Variants in MAML1 observed in about 807,000 individuals in gnomAD.
MAML1 encodes the protein mastermind like transcriptional coactivator 1.
Under a neutral mutation model 77.1 loss-of-function variants are expected in MAML1, and 14 were observed. The observed-to-expected ratio is 0.18, with a 90% CI of 0.12 to 0.28. The LOEUF (loss-of-function observed/expected upper bound fraction) is 0.28. MAML1 is among the 10% of genes least tolerant of loss of function. The pLI, the probability that MAML1 is intolerant of heterozygous loss-of-function variation, is 1.00. For missense variants in MAML1, 1,217 were observed against 1,327.8 expected, an observed-to-expected ratio of 0.92 and a Z score of 1.30; for synonymous variants, 516 against 551.9, an observed-to-expected ratio of 0.93 and a Z score of 0.91.
At chr5:179,750,741 C>A (rs1444542037) in intron 1 of MAML1, among the ~76,000 whole-genome samples, 1 of 152,126 alleles carries the variant, frequency 6.6e-6, no homozygotes, top group Admixed American at 6.6e-5. Context: ...GGATTACAGG[C>A]CTGACGGCTC....
intron 1 of MAML1, among the ~76,000 whole-genome samples, chr5:179,760,738 C>G (rs756608008): frequency 5.3e-5 from 8 of 152,088 alleles, no homozygotes; most frequent in Non-Finnish European, 1.2e-4. Context: ...ATACTAGAAA[C>G]AACCAACCAT....
chr5:179,768,667 G>T lies in MAML1; in HGVS notation c.1732-183G>T, dbSNP rs776660329. 3.9e-5 allele frequency among the ~76,000 whole-genome samples: 6 copies of T among 152,338 alleles called. No homozygotes were observed. In the East Asian group the frequency reaches 1.2e-3, roughly 29 times the overall value. On this transcript the variant is annotated intron_variant, in intron 2 of 4. Transcript: ENST00000292599. ...ATGGAGTAATTGTTCGTTGCTAGGC[G>T]CCTGTATGCTCAGATGTCATCACTT...
intron 1 of MAML1, among the ~76,000 whole-genome samples, chr5:179,734,966 G>A (rs553563803): frequency 3.3e-5 from 5 of 152,042 alleles, no homozygotes; most frequent in South Asian, 2.1e-4. Context: ...ATGAGCCACC[G>A]CACCGTGCCG....
intron 1 of MAML1, among the ~76,000 whole-genome samples, chr5:179,750,565 A>G (rs1779468286): frequency 6.6e-6 from 1 of 151,820 alleles, no homozygotes; most frequent in Admixed American, 6.6e-5. Flanking sequence ...GGCTCAAGCT[A>G]TTCTCCTGCT....
chr5:179,749,941 G>A (rs1779454237), intron 1 of MAML1, among the ~76,000 whole-genome samples: 1 of 152,232 alleles, frequency 6.6e-6, no homozygotes, highest in African/African-American at 2.4e-5. Flanking sequence ...TGAGCCCTGT[G>A]TTTCCCAAAA....
intron 1 of MAML1, among the ~76,000 whole-genome samples, chr5:179,747,585 C>T (rs1404217881): frequency 6.6e-5 from 10 of 152,028 alleles, no homozygotes; most frequent in Non-Finnish European, 1.2e-4. Flanking sequence ...CCGAGGCGGG[C>T]GGATCACGAG....
At chr5:179,743,127 A>T (rs991573585) in intron 1 of MAML1, among the ~76,000 whole-genome samples, 28 of 136,236 alleles carry the variant, frequency 2.1e-4, no homozygotes, top group Non-Finnish European at 3.5e-4. Flanking sequence ...ATCTTGGCTC[A>T]CTGCAACCTC....
In MAML1 at chr5:179,765,363, C is replaced by T; in HGVS notation, c.353C>T (p.Ala118Val). 1 of 1,609,748 alleles carries T rather than the reference C, an allele frequency of 6.2e-7. No homozygotes were observed. Among genetic ancestry groups the T allele is most frequent in the Non-Finnish European group, 8.5e-7 (1 of 1,178,608 alleles). ...ACAGTTAAGAGGAATCTTGACAGCG[C>T]CACTTCCCCTCAGAATGGCGATCAA... is the stretch of plus-strand genomic sequence containing the variant. ...HDTVKRNLDSATSPQNGDQQN... is the reference protein window; with the variant it reads ...HDTVKRNLDSVTSPQNGDQQN... The change falls in exon 2 of 5, where the codon GCC becomes GTC. Residue 118 changes from alanine to valine, a missense_variant. Coordinates refer to ENST00000292599, the MANE Select transcript of MAML1 (RefSeq NM_014757.5).
intron 1 of MAML1, among the ~76,000 whole-genome samples, chr5:179,747,298 A>AG (rs1394869382): frequency 6.6e-6 from 1 of 152,218 alleles, no homozygotes; most frequent in Non-Finnish European, 1.5e-5. Flanking sequence ...GGTATTATAG[A>AG]AGGTGCTCTG....
intron 1 of MAML1, among the ~76,000 whole-genome samples, chr5:179,746,683 C>G (rs1779390173): frequency 6.6e-6 from 1 of 152,140 alleles, no homozygotes; most frequent in South Asian, 2.1e-4. Context: ...AGCAATGTTA[C>G]TCAATATTTT....
At chr5:179,761,927 T>C (rs1779731895) in intron 1 of MAML1, among the ~76,000 whole-genome samples, 1 of 152,126 alleles carries the variant, frequency 6.6e-6, no homozygotes, top group South Asian at 2.1e-4. Flanking sequence ...ATCAAGGTGC[T>C]GGCTCTAAGG....
intron 1 of MAML1, among the ~76,000 whole-genome samples, chr5:179,744,276 C>G (rs1431071790): frequency 1.3e-5 from 2 of 152,138 alleles, no homozygotes; most frequent in Admixed American, 1.3e-4. Flanking sequence ...CCTCCACTCC[C>G]CCGGGTTTAA....
intron 1 of MAML1, among the ~76,000 whole-genome samples, chr5:179,753,652 T>TTG: frequency 2.5e-5 from 1 of 39,784 alleles, no homozygotes; most frequent in African/African-American, 8.5e-5. Flanking sequence ...ATTATTATTA[T>TTG]TATTTTTTTT....
Position 179,756,434 on chromosome 5 carries a change from C to CAA in MAML1, c.316-8876_316-8875dup, listed in dbSNP as rs562720688. 2.2e-3 allele frequency among the ~76,000 whole-genome samples: 240 copies of CAA among 108,158 alleles called. 3 individuals are homozygous for CAA. The highest frequency in any genetic ancestry group is 3.5e-3 in the South Asian group (11 of 3,186). The allele number at this position is 108,158 out of a possible 152,430, so 71.0% of individuals were successfully genotyped here. ...CGACAGACAGAGCGGGACTCTGTCT[C>CAA]AAAAAAAAAAAAAAAAATTAGGCGG... On this transcript the variant is annotated intron_variant, in intron 1 of 4. Coordinates refer to ENST00000292599, the MANE Select transcript of MAML1 (RefSeq NM_014757.5).
intron 1 of MAML1, among the ~76,000 whole-genome samples, chr5:179,751,848 C>CA (rs766886466): frequency 6.6e-6 from 1 of 151,088 alleles, no homozygotes; most frequent in Non-Finnish European, 1.5e-5. Flanking sequence ...CCCATCTTTA[C>CA]AAAAAATTAG....
rs1292731814 is a variant in MAML1 at position 179,765,814 on chromosome 5, G to A, written c.804G>A (p.Lys268=). The A allele has an allele frequency of 2.5e-6, 4 of 1,614,080 alleles. No individual in the cohort carries two copies. The African/African-American group carries it at 5.3e-5, about 22-fold the overall frequency. Residue 268 remains lysine (K), a synonymous_variant, in exon 2 of 5, where the codon AAG becomes AAA. Coordinates refer to ENST00000292599, the MANE Select transcript of MAML1 (RefSeq NM_014757.5). The part of the protein sequence containing the change: ...LNRSVPDEDM[K]DLFNEDFEEK... ...GGTCGGTGCCCGATGAAGACATGAA[G>A]GACCTGTTTAATGAGGACTTCGAGG...
At chr5:179,749,412 C>T (rs1471623946) in intron 1 of MAML1, among the ~76,000 whole-genome samples, 2 of 152,076 alleles carry the variant, frequency 1.3e-5, no homozygotes, top group South Asian at 2.1e-4. Context: ...AGACGTGAGC[C>T]ACCGCACCCA....
At chr5:179,753,222 T>TGTGCGC (rs1491538366) in intron 1 of MAML1, among the ~76,000 whole-genome samples, 7 of 31,446 alleles carry the variant, frequency 2.2e-4, no homozygotes, top group African/African-American at 3.8e-4. Flanking sequence ...TGTGTGTGTG[T>TGTGCGC]GCGCGCGCGC....
In MAML1 at chr5:179,774,072, A is replaced by G. The variant is rs759861762; in HGVS notation, c.2246A>G (p.Gln749Arg). 6.2e-6 allele frequency: 10 copies of G among 1,613,920 alleles called. No homozygotes were observed. The highest frequency in any genetic ancestry group is 1.3e-5 in the African/African-American group (1 of 74,944). Residue 749 changes from glutamine to arginine, a missense_variant, in exon 5 of 5, where the codon CAA becomes CGA. Gln to Arg is a conservative substitution (Grantham distance 43). This residue lies in a region of MAML1 where 884 missense variants were observed against 949.3 expected (regional missense o/e 0.93). Transcript: ENST00000292599. ...DRGVAQFPGS[Q>R]NMPQSSLYGM... Reference sequence around the variant, plus strand: ...GGTGTGGCTCAGTTCCCTGGCTCCCAAAACATGCCTCAGAGCAGCCTCTAT... The same window carrying G: ...GGTGTGGCTCAGTTCCCTGGCTCCCGAAACATGCCTCAGAGCAGCCTCTAT...
Sources: gnomAD v4.1 joint callset for allele counts (sites outside exome capture counted in the v4.1 genomes callset) on GRCh38, gnomAD v4.1.1 for gene constraint, gnomAD v4.1.1 regional missense constraint, MANE v1.5 for transcripts, NCBI Gene and HGNC (gene_info 2026-07-23, HGNC 2026-07-21) for gene names.